The following PLXDC1 variants were observed in gnomAD, a reference collection of about 807,000 sequenced individuals.
PLXDC1 encodes the protein plexin domain-containing protein 1.
Under a neutral mutation model 61.3 loss-of-function variants are expected in PLXDC1, and 39 were observed. The observed-to-expected ratio is 0.64, with a 90% CI of 0.49 to 0.83. PLXDC1 has a LOEUF of 0.83. Among genes scored for constraint, PLXDC1 ranks in the 40% least tolerant of loss-of-function variants. PLXDC1 has a pLI of 0.00. For synonymous variants in PLXDC1, 212 were observed against 254.5 expected (o/e 0.83, Z 1.59); for missense variants, 596 against 666.5 (o/e 0.89, Z 1.17).
chr17:39,090,205 C>T (rs1255874904), intron 7 of PLXDC1, among the ~76,000 whole-genome samples: 1 of 152,218 alleles, frequency 6.6e-6, no homozygotes, highest in African/African-American at 2.4e-5. Context: ...CTTCCCAACA[C>T]AATGCCCTGC....
chr17:39,112,813 C>G (rs563948121), intron 2 of PLXDC1, among the ~76,000 whole-genome samples: 28 of 152,204 alleles, frequency 1.8e-4, no homozygotes, highest in African/African-American at 6.3e-4. Flanking sequence ...AAACCTGCCT[C>G]CCTAAATCCT....
chr17:39,083,661 A>G, intron 8 of PLXDC1, 121 bp from the exon 9 acceptor site: 1 of 762,116 alleles, frequency 1.3e-6, no homozygotes, highest in Admixed American at 2.1e-5. Context: ...GAGACCTTTA[A>G]GGTCATTAAT....
At chr17:39,152,351 C>T (rs2045379716), upstream of PLXDC1, 2 of 456,072 alleles carry the variant, frequency 4.4e-6, no homozygotes. Flanking sequence ...CAGACCCAAT[C>T]AATCTTCAGA....
At position 39,138,820 on chromosome 17, in the gene PLXDC1, T is replaced by G. The variant is rs490044; in HGVS notation, c.255+834A>C. 8.3e-3 allele frequency among the ~76,000 whole-genome samples: 1,267 copies of G among 152,086 alleles called. 10 individuals carry two copies. Among genetic ancestry groups the G allele is most frequent in the Non-Finnish European group, 0.014 (920 of 67,974 alleles). On this transcript the variant is annotated intron_variant, in intron 2 of 13. Coordinates refer to ENST00000315392, the MANE Select transcript of PLXDC1 (RefSeq NM_020405.5). ...GAGAAGAAGGTCCTCTTGTTGCTTC[T>G]TGCGTCCTAAGAATCCACCCTCATC... is the stretch of plus-strand genomic sequence containing the variant.
intron 7 of PLXDC1, among the ~76,000 whole-genome samples, chr17:39,089,987 G>A (rs1018526175): frequency 3.3e-5 from 5 of 151,980 alleles, no homozygotes; most frequent in African/African-American, 1.2e-4. Flanking sequence ...TTGGTAGAGA[G>A]GGGGTTTCAC....
In PLXDC1 at chr17:39,108,123, C is replaced by T. The variant is rs1395117744; in HGVS notation, c.592G>A (p.Gly198Arg). 2 of 1,614,142 alleles carry T rather than the reference C, an allele frequency of 1.2e-6. No homozygotes were observed. Among genetic ancestry groups the T allele is most frequent in the Non-Finnish European group, 1.7e-6 (2 of 1,180,016 alleles). Residue 198 changes from glycine to arginine, a missense_variant and splice_region_variant, in exon 5 of 14, where the codon GGG becomes AGG. Coordinates refer to ENST00000315392, the MANE Select transcript of PLXDC1 (RefSeq NM_020405.5). Reference protein sequence around the residue: ...DNSTVVYFDNGTVFVVQWDHV... With the variant: ...DNSTVVYFDNRTVFVVQWDHV... ...CTTAAATTCTGAGATCCAGTCTCAC[C>T]ATTGTCAAAGTAAACAACTGTGGAG...
At chr17:39,107,802 A>C in intron 5 of PLXDC1, 1 of 568,914 alleles carries the variant, frequency 1.8e-6, no homozygotes, top group Non-Finnish European at 3.2e-6. Flanking sequence ...AGATAAAAGA[A>C]GGAGGAATGT....
chr17:39,086,859 CAAAAAAA>C (rs765774886), intron 8 of PLXDC1, among the ~76,000 whole-genome samples: 8 of 71,508 alleles, frequency 1.1e-4, no homozygotes, highest in South Asian at 1.4e-3. Flanking sequence ...GAGACTGTCT[CAAAAAAA>C]AAAAAAAAAA....
intron 7 of PLXDC1, among the ~76,000 whole-genome samples, chr17:39,093,016 A>T (rs1910013048): frequency 6.6e-6 from 1 of 152,072 alleles, no homozygotes. Flanking sequence ...GAGCTTCCTG[A>T]TTTGTGTTTC....
chr17:39,124,221 A>G (rs1911251550), intron 2 of PLXDC1, among the ~76,000 whole-genome samples: 1 of 152,246 alleles, frequency 6.6e-6, no homozygotes, highest in South Asian at 2.1e-4. Context: ...TGCAAAGCAC[A>G]GTTTCAGAGG....
chr17:39,124,145 A>G (rs1227562924), intron 2 of PLXDC1, among the ~76,000 whole-genome samples: 1 of 152,108 alleles, frequency 6.6e-6, no homozygotes, highest in Non-Finnish European at 1.5e-5. Flanking sequence ...AATTCAGATT[A>G]TTGGGCCCAA....
At chr17:39,070,153 G>A (rs1483365834) in intron 12 of PLXDC1, 137 bp from the exon 13 acceptor site, 1 of 583,958 alleles carries the variant, frequency 1.7e-6, no homozygotes, top group Non-Finnish European at 3.0e-6. Context: ...TACAGGAAGA[G>A]GTTGGGTGGG....
intron 11 of PLXDC1, among the ~76,000 whole-genome samples, chr17:39,074,769 C>T (rs1909262186): frequency 6.6e-6 from 1 of 152,130 alleles, no homozygotes; most frequent in South Asian, 2.1e-4. Flanking sequence ...CCCCTCCCCG[C>T]CCTGGCCCAG....
rs1185041722 is a variant in PLXDC1, at chr17:39,063,374, C to T, written c.*4466G>A. The stretch of plus-strand genomic sequence containing the variant: ...GATAAAAATGCATGGGGTTTACTTC[C>T]AGGGATTTACAGACCAATATAAGTA... On this transcript the variant is annotated 3_prime_UTR_variant, in exon 14 of 14. Transcript: ENST00000315392. The T allele has an allele frequency of 1.5e-6, 1 of 672,756 alleles. No homozygotes were observed. The highest frequency in any genetic ancestry group is 2.3e-5 in the Admixed American group (1 of 43,466). 41.7% of individuals were successfully genotyped at this position (672,756 alleles called of 1,614,324 possible).
At chr17:39,142,870 G>A (rs1287818071) in intron 1 of PLXDC1, among the ~76,000 whole-genome samples, 2 of 152,166 alleles carry the variant, frequency 1.3e-5, no homozygotes, top group Non-Finnish European at 2.9e-5. Flanking sequence ...GGGCGTGGTG[G>A]CTCACACCTA....
At chr17:39,108,787 A>C (rs1910687680) in intron 4 of PLXDC1, 117 bp downstream of exon 4, 1 of 706,492 alleles carries the variant, frequency 1.4e-6, no homozygotes, top group Admixed American at 2.1e-5. Context: ...ATTAGAGCCA[A>C]ATGTGCCTTC....
intron 6 of PLXDC1, 40 bp downstream of exon 6, chr17:39,107,367 G>T: frequency 8.4e-7 from 1 of 1,192,700 alleles, no homozygotes; most frequent in Non-Finnish European, 1.2e-6. Context: ...ATGAAGAAAG[G>T]CTCCAAGACC....
At chr17:39,131,195 T>G (rs1911547814) in intron 2 of PLXDC1, among the ~76,000 whole-genome samples, 1 of 151,918 alleles carries the variant, frequency 6.6e-6, no homozygotes, top group Non-Finnish European at 1.5e-5. Flanking sequence ...AACTGAGGGG[T>G]TAAGTATCCA....
At chr17:39,126,029 G>A (rs934437838) in intron 2 of PLXDC1, among the ~76,000 whole-genome samples, 7 of 152,118 alleles carry the variant, frequency 4.6e-5, no homozygotes, top group African/African-American at 1.2e-4. Context: ...TGAGGCAGGC[G>A]GATCATCTGA....
Sources: allele counts gnomAD v4.1 joint callset (sites outside exome capture counted in the v4.1 genomes callset), GRCh38; gene constraint gnomAD v4.1.1; transcripts MANE v1.5; gene names NCBI Gene and HGNC (gene_info 2026-07-23, HGNC 2026-07-21).